ANKRD50: variants seen among roughly 807,000 people sequenced by gnomAD.
ANKRD50 encodes ankyrin repeat domain-containing protein 50.
A neutral mutation model predicts 112.0 loss-of-function variants in ANKRD50; 40 were observed. The ratio of observed to expected loss-of-function variants is 0.36; its 90% CI spans 0.28 to 0.46. The LOEUF is 0.46. ANKRD50 is among the 20% of genes least tolerant of loss of function. The pLI, the probability that ANKRD50 is intolerant of heterozygous loss-of-function variation, is 1.00. For synonymous variants in ANKRD50, 613 were observed against 619.1 expected, an observed-to-expected ratio of 0.99 and a Z score of 0.15; for missense variants, 1,487 against 1,701.7, an observed-to-expected ratio of 0.87 and a Z score of 2.22.
chr4:124,686,195 A>G (rs770830285), intron 2 of ANKRD50, among the ~76,000 whole-genome samples: 14 of 152,240 alleles, frequency 9.2e-5, no homozygotes, highest in Non-Finnish European at 1.3e-4. Context: ...AACAGATTGA[A>G]CATGAAAAAG....
At chr4:124,679,823 C>T (rs1724837723) in intron 2 of ANKRD50, among the ~76,000 whole-genome samples, 1 of 152,118 alleles carries the variant, frequency 6.6e-6, no homozygotes, top group South Asian at 2.1e-4. Context: ...TCACTGTAGG[C>T]CAACCTACCT....
rs766522166 is a variant in ANKRD50, at chr4:124,710,254, T to C, written c.258A>G (p.Leu86=). The change falls in exon 2 of 5, where the codon CTA becomes CTG. Residue 86 remains leucine, a synonymous_variant. Transcript: ENST00000504087. ...AACTTGGCCATAAGAGTTCAGTACA[T>C]AGGGCCGTCTTGCCACTGCCAGGCC... ...VGGPGSGKTA[L]CTELLWPSSP... 6 of 1,614,218 alleles carry C rather than the reference T, an allele frequency of 3.7e-6. No homozygotes were observed. In the South Asian group the frequency reaches 4.4e-5, roughly 12 times the overall value.
intron 2 of ANKRD50, among the ~76,000 whole-genome samples, chr4:124,682,995 T>C (rs1049028998): frequency 1.6e-4 from 24 of 151,930 alleles, no homozygotes; most frequent in Admixed American, 1.3e-4. Flanking sequence ...GGGACACCTT[T>C]ATGTATATTT....
chr4:124,707,244 G>A (rs1725526558), intron 2 of ANKRD50, among the ~76,000 whole-genome samples: 2 of 151,918 alleles, frequency 1.3e-5, no homozygotes, highest in African/African-American at 4.8e-5. Context: ...TGGAAACAAT[G>A]GTTTTCAGCC....
At chr4:124,698,094 T>TA (rs1725292324) in intron 2 of ANKRD50, among the ~76,000 whole-genome samples, 1 of 151,988 alleles carries the variant, frequency 6.6e-6, no homozygotes, top group Non-Finnish European at 1.5e-5. Flanking sequence ...GGGAGTGTTT[T>TA]AAAAAGGGTA....
chr4:124,668,282 A>G (rs1174339535), intron 4 of ANKRD50, among the ~76,000 whole-genome samples: 1 of 152,024 alleles, frequency 6.6e-6, no homozygotes, highest in African/African-American at 2.4e-5. Context: ...CAATATTGCA[A>G]AAACATCCAT....
rs1730473187 is a variant in ANKRD50 at position 124,665,719 on chromosome 4, T to C, written c.*1799A>G. The C allele has an allele frequency of 6.6e-6, 1 of 152,404 alleles. No individual in the cohort carries two copies. Among genetic ancestry groups the C allele is most frequent in the Non-Finnish European group, 1.5e-5 (1 of 67,898 alleles). The allele number at this position is 152,404 out of a possible 1,614,324, so 9.4% of individuals were successfully genotyped here. A position where few individuals can be genotyped will look rare whatever the true frequency, so the allele number is the denominator to read the frequency against. ...GAATTCAATACTTGAAACATTCACA[T>C]TTGAGTTATTAATATTGCCATGTCA... On this transcript the variant is annotated 3_prime_UTR_variant, in exon 5 of 5. Coordinates refer to ENST00000504087, the MANE Select transcript of ANKRD50 (RefSeq NM_020337.3).
chr4:124,686,993 T>A (rs1406752248), intron 2 of ANKRD50, among the ~76,000 whole-genome samples: 1 of 152,184 alleles, frequency 6.6e-6, no homozygotes, highest in Non-Finnish European at 1.5e-5. Flanking sequence ...TATTTTCCAG[T>A]TGTTTGACAT....
chr4:124,703,271 C>A (rs1725431980), intron 2 of ANKRD50, among the ~76,000 whole-genome samples: 3 of 152,070 alleles, frequency 2.0e-5, no homozygotes, highest in African/African-American at 7.2e-5. Flanking sequence ...CACAGGCAAT[C>A]ATGCATAAAC....
In ANKRD50 at chr4:124,671,339, T is replaced by C. The variant is rs747996723; in HGVS notation, c.1938A>G (p.Thr646=). Residue 646 remains threonine (T), a synonymous_variant, in exon 4 of 5, where the codon ACA becomes ACG. Transcript: ENST00000504087. The part of the protein sequence containing the change: ...KVDCADADSR[T]ALRAAAWGGH... ...CTCCCCATGCTGCTGCTCTCAAAGC[T>C]GTTCGGCTATCAGCATCTGCACAAT... 8.1e-6 allele frequency: 13 copies of C among 1,613,900 alleles called. No homozygotes were observed. The South Asian group carries it at 1.2e-4, about 15-fold the overall frequency.
intron 2 of ANKRD50, among the ~76,000 whole-genome samples, chr4:124,686,019 C>T (rs1724998384): frequency 6.6e-6 from 1 of 152,110 alleles, no homozygotes; most frequent in African/African-American, 2.4e-5. Context: ...TGTGGTGACA[C>T]TCTTGATTTC....
At position 124,712,643 on chromosome 4, in the gene ANKRD50, G is replaced by A; in HGVS notation, c.-949C>T. The A allele has an allele frequency of 6.5e-6, 1 of 154,200 alleles. No homozygotes were observed. Among genetic ancestry groups the A allele is most frequent in the Non-Finnish European group, 1.4e-5 (1 of 69,176 alleles). 9.6% of individuals were successfully genotyped at this position (154,200 alleles called of 1,614,324 possible). ...ATCCTCCTCTTGGCCCCCGGCGGCTGCCAGTTCCAGCTTTCCCAGCAGAAT... is the reference window on the plus strand; with the variant it reads ...ATCCTCCTCTTGGCCCCCGGCGGCTACCAGTTCCAGCTTTCCCAGCAGAAT... On this transcript the variant is annotated 5_prime_UTR_variant, in exon 1 of 5. Transcript: ENST00000504087.
rs551945003 is a variant in ANKRD50 at position 124,672,523 on chromosome 4, T to C, written c.754A>G (p.Ile252Val). The C allele has an allele frequency of 4.2e-5, 67 of 1,584,662 alleles. No individual in the cohort carries two copies. In the South Asian group the frequency reaches 7.5e-4, roughly 18 times the overall value. ...GCCTTCCGAAGGTCATCTAAACTTA[T>C]TTTTCGAAAACCTAAAGAAGAGATA... is the stretch of plus-strand genomic sequence containing the variant. The part of the protein sequence containing the change: ...VTKMFTGFRK[I>V]SLDDLRKAYI... Residue 252 changes from isoleucine to valine, a missense_variant, in exon 4 of 5, where the codon ATA becomes GTA. By Grantham distance (29) the Ile-to-Val change is conservative. Coordinates refer to ENST00000504087, the MANE Select transcript of ANKRD50 (RefSeq NM_020337.3).
In ANKRD50 at chr4:124,669,837, T is replaced by C. The variant is rs1234548899; in HGVS notation, c.3440A>G (p.Gln1147Arg). Reference sequence around the variant, plus strand: ...ATTAGGTAAACCACGTAACGAAGGCTGCATATCCCCTCCACCAGTACTACC... The same window carrying C: ...ATTAGGTAAACCACGTAACGAAGGCCGCATATCCCCTCCACCAGTACTACC... ...SSGSTGGGDM[Q>R]PSLRGLPNGP... is the part of the protein sequence containing the mutation. Residue 1147 changes from glutamine (Q) to arginine (R), a missense_variant, in exon 4 of 5, where the codon CAG (glutamine) becomes CGG (arginine). Physicochemically the swap from Gln to Arg is conservative, Grantham distance 43. This residue lies in a region of ANKRD50 where 441 missense variants were observed against 432.2 expected (regional missense o/e 1.02). Transcript: ENST00000504087. 58 of 1,612,678 alleles carry C rather than the reference T, an allele frequency of 3.6e-5. No homozygotes were observed. Among genetic ancestry groups the C allele is most frequent in the Non-Finnish European group, 4.6e-5 (54 of 1,179,630 alleles).
intron 2 of ANKRD50, among the ~76,000 whole-genome samples, chr4:124,706,779 C>T (rs1327805905): frequency 6.6e-6 from 1 of 152,080 alleles, no homozygotes; most frequent in Non-Finnish European, 1.5e-5. Context: ...TACCAAACAT[C>T]ATCGCTTAGC....
Position 124,670,029 on chromosome 4 carries a change from C to T in ANKRD50, c.3248G>A (p.Arg1083His), listed in dbSNP as rs925727361. ...AGAATGTCCATTTTTGGCTGCAACA[C>T]GCATAGCAGTGCGTCCAAATTGATC... ...HADQFGRTAM[R>H]VAAKNGHSQI... The change falls in exon 4 of 5, where the codon CGT (arginine) becomes CAT (histidine). Residue 1083 changes from arginine to histidine, a missense_variant. Physicochemically the swap from Arg to His is conservative, Grantham distance 29 (BLOSUM62 0). Around this residue, in one of 2 missense-constraint regions of ANKRD50, gnomAD observed 441 missense variants for 432.2 expected, o/e 1.02. Transcript: ENST00000504087. 6.8e-6 allele frequency: 11 copies of T among 1,611,262 alleles called. No homozygotes were observed. The highest frequency in any genetic ancestry group is 1.1e-5 in the South Asian group (1 of 90,470).
At position 124,670,559 on chromosome 4, in the gene ANKRD50, A is replaced by G. The variant is rs1314122343; in HGVS notation, c.2718T>C (p.Ile906=). 5 of 1,613,216 alleles carry G rather than the reference A, an allele frequency of 3.1e-6. No homozygotes were observed. The highest frequency in any genetic ancestry group is 2.2e-5 in the East Asian group (1 of 44,852). Residue 906 remains isoleucine (I), a synonymous_variant, in exon 4 of 5, where the codon ATT becomes ATC. Coordinates refer to ENST00000504087, the MANE Select transcript of ANKRD50 (RefSeq NM_020337.3). ...TTCTTCCATCATAACCTCTTTGATC[A>G]ATGTTGGATTTGTTTTCCAGTAATA... ...VQILLENKSN[I]DQRGYDGRNA...
chr4:124,688,212 A>G (rs1228876046), intron 2 of ANKRD50, among the ~76,000 whole-genome samples: 1 of 152,246 alleles, frequency 6.6e-6, no homozygotes, highest in Non-Finnish European at 1.5e-5. Flanking sequence ...ATTGATCCAC[A>G]CAACAGCATG....
chr4:124,699,640 C>G (rs1003738687), intron 2 of ANKRD50, among the ~76,000 whole-genome samples: 4 of 151,984 alleles, frequency 2.6e-5, no homozygotes, highest in African/African-American at 7.2e-5. Context: ...AAATCTAATG[C>G]TATTCAAAAG....
Sources: allele counts gnomAD v4.1 joint callset (sites outside exome capture counted in the v4.1 genomes callset), GRCh38; gene constraint gnomAD v4.1.1; regional missense constraint gnomAD v4.1.1; transcripts MANE v1.5; gene names NCBI Gene and HGNC (gene_info 2026-07-23, HGNC 2026-07-21).